THOC1: variants seen among roughly 807,000 people sequenced by gnomAD.
THOC1 encodes THO complex subunit 1, also known as THO complex 1.
In THOC1, 29 loss-of-function variants were observed where a neutral mutation model predicts 97.3. The observed-to-expected ratio is 0.30, with a 90% CI of 0.22 to 0.41. THOC1 has a LOEUF of 0.41. THOC1 is among the 10% of genes least tolerant of loss of function. The pLI is 1.00. For missense variants in THOC1, 529 were observed against 761.9 expected (o/e 0.69, Z 3.60); for synonymous variants, 255 against 257.0 (o/e 0.99, Z 0.07).
intron 11 of THOC1, among the ~76,000 whole-genome samples, chr18:229,772 T>C (rs550945574): frequency 9.2e-5 from 14 of 152,296 alleles, no homozygotes; most frequent in African/African-American, 3.4e-4. Context: ...CTCATCCTAC[T>C]TGATATGCTT....
At chr18:229,799 T>C (rs1433584468) in intron 11 of THOC1, among the ~76,000 whole-genome samples, 1 of 152,212 alleles carries the variant, frequency 6.6e-6, no homozygotes, top group African/African-American at 2.4e-5. Flanking sequence ...CATGAGTGCA[T>C]GCTTTTCTAG....
chr18:222,440 A>G (rs1476841855), intron 17 of THOC1, among the ~76,000 whole-genome samples: 2 of 152,210 alleles, frequency 1.3e-5, no homozygotes, highest in Non-Finnish European at 2.9e-5. Context: ...CTTGTTACAG[A>G]ATTTTTTAGT....
In THOC1 at chr18:214,584, CAA is replaced by C. The variant is rs1379246251; in HGVS notation, c.*40_*41del. On this transcript the variant is annotated 3_prime_UTR_variant, in exon 21 of 21. Coordinates refer to ENST00000261600, the MANE Select transcript of THOC1 (RefSeq NM_005131.3). ...CCTCTTATCAAATGCTGCTTGGTAA[CAA>C]AATCTATCACAGTTTTAATAAAAAG... 4.6e-6 allele frequency: 7 copies of C among 1,525,454 alleles called. No homozygotes were observed. Among genetic ancestry groups the C allele is most frequent in the Non-Finnish European group, 6.2e-6 (7 of 1,124,102 alleles). The allele number at this position is 1,525,454 out of a possible 1,614,324, so 94.5% of individuals were successfully genotyped here.
chr18:223,976 G>T, intron 16 of THOC1, 108 bp downstream of exon 16: 1 of 831,816 alleles, frequency 1.2e-6, no homozygotes, highest in Non-Finnish European at 2.0e-6. Context: ...ATCTATGTGT[G>T]TACCAAACAC....
At chr18:255,827 T>A (rs933874032) in intron 7 of THOC1, among the ~76,000 whole-genome samples, 5 of 152,236 alleles carry the variant, frequency 3.3e-5, no homozygotes, top group Admixed American at 3.3e-4. Flanking sequence ...TGACTTTAAG[T>A]TGAAGCCAAT....
In THOC1 at chr18:247,659, G is replaced by A. The variant is rs556691956; in HGVS notation, c.786+190C>T. Among the ~76,000 whole-genome samples, 9 of 152,250 alleles carry A rather than the reference G, an allele frequency of 5.9e-5. No individual in the cohort carries two copies. The South Asian group carries it at 6.2e-4, about 11-fold the overall frequency. ...TGTAATGACGAACTTTTAAATATCC[G>A]ATTCTTATATACTACTTCACAATAT... On this transcript the variant is annotated intron_variant, in intron 10 of 20. Coordinates refer to ENST00000261600, the MANE Select transcript of THOC1 (RefSeq NM_005131.3).
intron 11 of THOC1, among the ~76,000 whole-genome samples, chr18:233,918 T>C (rs566605577): frequency 6.6e-6 from 1 of 152,306 alleles, no homozygotes; most frequent in South Asian, 2.1e-4. Context: ...ATAACTCAAA[T>C]TAAAAAACCC....
intron 12 of THOC1, chr18:225,815 G>C (rs1402990846): frequency 6.4e-6 from 1 of 156,982 alleles, no homozygotes; most frequent in Non-Finnish European, 1.4e-5. Flanking sequence ...CCTAGAAAAG[G>C]CAACAGGCAA....
At chr18:267,738 T>C (rs1178239722) in intron 1 of THOC1, among the ~76,000 whole-genome samples, 1 of 152,110 alleles carries the variant, frequency 6.6e-6, no homozygotes, top group Non-Finnish European at 1.5e-5. Context: ...CAGCACGCAG[T>C]CCGGGGACCC....
chr18:231,806 T>C (rs1014191009), intron 11 of THOC1, among the ~76,000 whole-genome samples: 1 of 152,226 alleles, frequency 6.6e-6, no homozygotes, highest in African/African-American at 2.4e-5. Context: ...TATGTAAACA[T>C]CTATAAATAA....
rs531122480 is a variant in THOC1 at position 254,798 on chromosome 18, A to C, written c.521-443T>G. ...TTTTGCCACAAACTGTGCCCATCTA[A>C]GATCTAAGACAGTAAACTATTTTTT... On this transcript the variant is annotated intron_variant, in intron 7 of 20. Coordinates refer to ENST00000261600, the MANE Select transcript of THOC1 (RefSeq NM_005131.3). The surrounding 1 kb of genome is among the most constrained non-coding windows in gnomAD (Gnocchi z 4.1). Among the ~76,000 whole-genome samples the C allele has an allele frequency of 9.9e-5, 15 of 152,098 alleles. No individual in the cohort carries two copies. In the South Asian group the frequency reaches 3.1e-3, roughly 32 times the overall value.
intron 9 of THOC1, 117 bp downstream of exon 9, chr18:252,422 G>C: frequency 1.3e-6 from 1 of 784,122 alleles, no homozygotes; most frequent in Non-Finnish European, 2.1e-6. Flanking sequence ...AATTACAAAT[G>C]AAAGAAATTT....
In THOC1 at chr18:254,242, G is replaced by C; in HGVS notation, c.603+31C>G. On this transcript the variant is annotated intron_variant, in intron 8 of 20. Coordinates refer to ENST00000261600, the MANE Select transcript of THOC1 (RefSeq NM_005131.3). The surrounding 1 kb of genome is among the most constrained non-coding windows in gnomAD (Gnocchi z 4.1). ...ATCTTAATAACAAACTTGCAAATAT[G>C]TTATCTGAGAAGATTTCAAATCAGC... 6.8e-7 allele frequency: 1 copy of C among 1,470,996 alleles called. No homozygotes were observed. Among genetic ancestry groups the C allele is most frequent in the South Asian group, 1.2e-5 (1 of 82,600 alleles). The allele number at this position is 1,470,996 out of a possible 1,614,324, so 91.1% of individuals were successfully genotyped here.
chr18:254,368 CA>C lies in THOC1; in HGVS notation c.521-14del. 5.1e-5 allele frequency: 78 copies of C among 1,516,480 alleles called. No homozygotes were observed. The highest frequency in any genetic ancestry group is 6.3e-5 in the Non-Finnish European group (70 of 1,119,856). 93.9% of individuals were successfully genotyped at this position (1,516,480 alleles called of 1,614,324 possible). A position where few individuals can be genotyped will look rare whatever the true frequency, so the allele number is the denominator to read the frequency against. Reference sequence around the variant, plus strand: ...TGCAAGTTAAGACCTAGTAAAAAAACAAAAAAAAGATGCAAAGCAAGTCCAG... The same window carrying C: ...TGCAAGTTAAGACCTAGTAAAAAAACAAAAAAAGATGCAAAGCAAGTCCAG... On this transcript the variant is annotated splice_polypyrimidine_tract_variant and intron_variant, in intron 7 of 20. Coordinates refer to ENST00000261600, the MANE Select transcript of THOC1 (RefSeq NM_005131.3). The surrounding 1 kb of genome is among the most constrained non-coding windows in gnomAD (Gnocchi z 4.1).
intron 11 of THOC1, among the ~76,000 whole-genome samples, chr18:243,436 G>A (rs1911977777): frequency 6.6e-6 from 1 of 152,034 alleles, no homozygotes; most frequent in African/African-American, 2.4e-5. Flanking sequence ...TGTTCGGGAG[G>A]TGGAGGCAGG....
At position 226,735 on chromosome 18, in the gene THOC1, T is replaced by A; in HGVS notation, c.1019+66A>T. The A allele has an allele frequency of 2.5e-6, 3 of 1,219,408 alleles. No homozygotes were observed. In the South Asian group the frequency reaches 4.0e-5, roughly 16 times the overall value. The allele number at this position is 1,219,408 out of a possible 1,614,324, so 75.5% of individuals were successfully genotyped here. ...GAAATGGACACATACATAAGAAAAA[T>A]CGTAAGCAAGTCCTTTTTTTTCTTG... On this transcript the variant is annotated intron_variant, in intron 12 of 20. Transcript: ENST00000261600.
chr18:227,868 A>T (rs997557867), intron 11 of THOC1, among the ~76,000 whole-genome samples: 2 of 152,058 alleles, frequency 1.3e-5, no homozygotes, highest in African/African-American at 4.8e-5. Flanking sequence ...CGTGGTTGGT[A>T]CCATTTACTA....
At position 226,907 on chromosome 18, in the gene THOC1, CAAG is replaced by C; in HGVS notation, c.919-9_919-7del. 6.2e-7 allele frequency: 1 copy of C among 1,601,100 alleles called. No homozygotes were observed. On this transcript the variant is annotated splice_region_variant and splice_polypyrimidine_tract_variant and intron_variant, in intron 11 of 20. Coordinates refer to ENST00000261600, the MANE Select transcript of THOC1 (RefSeq NM_005131.3). Reference sequence around the variant, plus strand: ...CTCAGTTGTAAATCCATCAGCTACTCAAGAAACAAGCAAACACATACGAAAACA... The same window carrying C: ...CTCAGTTGTAAATCCATCAGCTACTCAAACAAGCAAACACATACGAAAACA...
intron 11 of THOC1, among the ~76,000 whole-genome samples, chr18:243,240 C>T (rs1193473767): frequency 1.3e-5 from 2 of 152,102 alleles, no homozygotes; most frequent in Non-Finnish European, 2.9e-5. Flanking sequence ...AGTTCATGTT[C>T]TAACTGCTGG....
Sources: gnomAD v4.1 joint callset for allele counts (sites outside exome capture counted in the v4.1 genomes callset) on GRCh38, gnomAD v4.1.1 for gene constraint, Gnocchi (gnomAD v3.1) non-coding constraint, MANE v1.5 for transcripts, NCBI Gene and HGNC (gene_info 2026-07-23, HGNC 2026-07-21) for gene names.